SEM1: variants seen among roughly 807,000 people sequenced by gnomAD.
SEM1 encodes the protein SEM1 26S proteasome subunit.
Under a neutral mutation model 12.7 loss-of-function variants are expected in SEM1, and 3 were observed. The observed-to-expected ratio is 0.24, with a 90% CI of 0.11 to 0.61. The LOEUF is 0.61. Ranked by LOEUF, SEM1 falls within the 20% of genes least tolerant of loss-of-function variation. The pLI, the probability that SEM1 is intolerant of heterozygous loss-of-function variation, is 0.88. For missense variants in SEM1, 59 were observed against 81.3 expected, an observed-to-expected ratio of 0.73 and a Z score of 1.06; for synonymous variants, 30 against 27.8, an observed-to-expected ratio of 1.08 and a Z score of -0.25.
rs1469236818 is a variant in SEM1, at chr7:96,575,584, G to A, written c.171-68886C>T. Among the ~76,000 whole-genome samples, 5 of 152,208 alleles carry A rather than the reference G, an allele frequency of 3.3e-5. No individual in the cohort carries two copies. The East Asian group carries it at 7.7e-4, about 23-fold the overall frequency. The stretch of plus-strand genomic sequence containing the variant: ...GCGCCCACAGCCACCCCTTCCCCCA[G>A]GTGCTCTGTCCCAGGGAGATGGGAG... On this transcript the variant is annotated intron_variant and NMD_transcript_variant, in intron 2 of 3. Transcript: ENST00000466986.
chr7:96,662,552 G>GA (rs1355478089), intron 2 of SEM1, among the ~76,000 whole-genome samples: 2 of 152,136 alleles, frequency 1.3e-5, no homozygotes, highest in Non-Finnish European at 2.9e-5. Context: ...AGAGCATTAG[G>GA]AGAAATACCT....
intron 2 of SEM1, among the ~76,000 whole-genome samples, chr7:96,694,241 G>T (rs1790022709): frequency 6.6e-6 from 1 of 151,950 alleles, no homozygotes; most frequent in African/African-American, 2.4e-5. Context: ...TTCCTTTTGG[G>T]ATGCTGAAAA....
At chr7:96,562,158 C>T (rs1456208097) in intron 2 of SEM1, among the ~76,000 whole-genome samples, 2 of 152,132 alleles carry the variant, frequency 1.3e-5, no homozygotes, top group South Asian at 2.1e-4. Flanking sequence ...CCATCTTTCT[C>T]TTGCCATAAT....
At chr7:96,695,424 G>C (rs955003799) in intron 1 of SEM1, 3 of 151,904 alleles carry the variant, frequency 2.0e-5, no homozygotes, top group Non-Finnish European at 2.9e-5. Context: ...GTAGTTTTTA[G>C]TTTTCTAGAT....
At chr7:96,512,221 G>A (rs1394015780) in intron 2 of SEM1, among the ~76,000 whole-genome samples, 1 of 152,058 alleles carries the variant, frequency 6.6e-6, no homozygotes, top group Non-Finnish European at 1.5e-5. Flanking sequence ...TTTGAGAATA[G>A]AGTAGGGAGA....
At chr7:96,504,230 T>C (rs550869772) in intron 3 of SEM1, among the ~76,000 whole-genome samples, 1 of 152,244 alleles carries the variant, frequency 6.6e-6, no homozygotes, top group South Asian at 2.1e-4. Flanking sequence ...CTGGAATTTA[T>C]TTTTATGGTT....
At chr7:96,589,724 A>G (rs2116127448) in intron 2 of SEM1, among the ~76,000 whole-genome samples, 1 of 152,364 alleles carries the variant, frequency 6.6e-6, no homozygotes, top group Admixed American at 6.5e-5. Context: ...TTGGACTCTG[A>G]AAATTACCTG....
chr7:96,631,866 C>T (rs1808272668), intron 2 of SEM1, among the ~76,000 whole-genome samples: 1 of 152,064 alleles, frequency 6.6e-6, no homozygotes, highest in African/African-American at 2.4e-5. Flanking sequence ...AAGAAAAAAA[C>T]AAACAATGCC....
At chr7:96,493,698 G>C (rs564516936) in intron 1 of SEM1, among the ~76,000 whole-genome samples, 24 of 152,108 alleles carry the variant, frequency 1.6e-4, no homozygotes, top group African/African-American at 5.8e-4. Flanking sequence ...TTAAGTTCAA[G>C]GTAGTAAATG....
chr7:96,486,945 G>A lies in SEM1; in HGVS notation c.13-528C>T, dbSNP rs559595721. ...AAGCACTGTGCGCATGCCTGTGCCT[G>A]CCTTATGTTCTTAGGACCACATTCC... On this transcript the variant is annotated intron_variant, in intron 1 of 3. Coordinates refer to the SEM1 transcript ENST00000356686. 5.9e-5 allele frequency among the ~76,000 whole-genome samples: 9 copies of A among 152,274 alleles called. No individual in the cohort carries two copies. The South Asian group carries it at 1.0e-3, about 18-fold the overall frequency.
chr7:96,599,247 T>TTCTC (rs35192987), intron 2 of SEM1, among the ~76,000 whole-genome samples: 1,728 of 150,378 alleles, frequency 0.011, 21 homozygotes, highest in South Asian at 0.068. Context: ...TTTTTTGCCT[T>TTCTC]TCTCTCTCTC....
chr7:96,593,935 T>C (rs2116151209), intron 2 of SEM1, among the ~76,000 whole-genome samples: 1 of 152,044 alleles, frequency 6.6e-6, no homozygotes. Context: ...TAAGCAAAAC[T>C]GGAATTTTTA....
intron 2 of SEM1, among the ~76,000 whole-genome samples, chr7:96,512,258 G>A (rs1427294356): frequency 6.6e-6 from 1 of 152,092 alleles, no homozygotes; most frequent in Non-Finnish European, 1.5e-5. Context: ...TGCAGTCTAG[G>A]TGAGATGACA....
intron 2 of SEM1, chr7:96,647,533 A>G (rs1453763497): frequency 2.0e-5 from 3 of 152,062 alleles, no homozygotes; most frequent in Admixed American, 6.6e-5. Flanking sequence ...TTTCTTTTGG[A>G]TGGTGCCCTA....
chr7:96,484,043 T>G, intron 3 of SEM1: 1 of 1,412,922 alleles, frequency 7.1e-7, no homozygotes, highest in Non-Finnish European at 9.4e-7. Context: ...TTACACTTCA[T>G]GCATATTAAC....
intron 2 of SEM1, among the ~76,000 whole-genome samples, chr7:96,603,746 CA>C (rs752387757): frequency 2.6e-5 from 4 of 152,126 alleles, no homozygotes; most frequent in Non-Finnish European, 5.9e-5. Context: ...TCCCTCCCTC[CA>C]ACCCCACCTC....
At chr7:96,555,509 A>T (rs372341387) in intron 2 of SEM1, among the ~76,000 whole-genome samples, 13 of 121,968 alleles carry the variant, frequency 1.1e-4, no homozygotes, top group South Asian at 3.0e-4. Flanking sequence ...TTTGAGTGAG[A>T]TTCTTAATCC....
intron 1 of SEM1, chr7:96,697,282 T>G (rs901068650): frequency 3.3e-5 from 5 of 152,062 alleles, no homozygotes; most frequent in African/African-American, 1.2e-4. Flanking sequence ...TGTCCCAAAT[T>G]GGGCTTTCTT....
intron 2 of SEM1, among the ~76,000 whole-genome samples, chr7:96,541,431 G>GGTTTTTTTTT (rs1554412360): frequency 8.2e-6 from 1 of 121,486 alleles, no homozygotes; most frequent in African/African-American, 3.8e-5. Flanking sequence ...TTTTTAATGG[G>GGTTTTTTTTT]TTTTTTTTTT....
Sources: allele counts gnomAD v4.1 joint callset (sites outside exome capture counted in the v4.1 genomes callset), GRCh38; gene constraint gnomAD v4.1.1; transcripts MANE v1.5; gene names NCBI Gene and HGNC (gene_info 2026-07-23, HGNC 2026-07-21).